The following NSUN7 variants were observed in gnomAD, a reference collection of about 807,000 sequenced individuals.
NSUN7 encodes protein NSUN7.
Under a neutral mutation model 58.5 loss-of-function variants are expected in NSUN7, and 39 were observed. That is an observed-to-expected ratio of 0.67 (90% confidence interval 0.52 to 0.87). NSUN7 has a LOEUF of 0.87. Ranked by LOEUF, NSUN7 falls within the 40% of genes least tolerant of loss-of-function variation. The pLI, the probability that NSUN7 is intolerant of heterozygous loss-of-function variation, is 0.00. For synonymous variants in NSUN7, 278 were observed against 303.7 expected, an observed-to-expected ratio of 0.92 and a Z score of 0.88; for missense variants, 765 against 844.1, an observed-to-expected ratio of 0.91 and a Z score of 1.16.
chr4:40,790,879 T>TATGTG, intron 8 of NSUN7, 134 bp downstream of exon 8: 1 of 660,818 alleles, frequency 1.5e-6, no homozygotes, highest in Non-Finnish European at 2.5e-6. Context: ...GTACTTACTA[T>TATGTG]GTATAAAGTC....
intron 4 of NSUN7, among the ~76,000 whole-genome samples, chr4:40,771,316 T>A (rs1365131400): frequency 2.0e-5 from 3 of 152,090 alleles, no homozygotes; most frequent in African/African-American, 7.2e-5. Flanking sequence ...TGCCAACAAC[T>A]CCCTAACATG....
chr4:40,784,201 G>GA (rs1284194703), intron 7 of NSUN7, among the ~76,000 whole-genome samples: 1 of 152,186 alleles, frequency 6.6e-6, no homozygotes, highest in Non-Finnish European at 1.5e-5. Context: ...AGCTACTTTG[G>GA]AAAACAGTTT....
intron 8 of NSUN7, among the ~76,000 whole-genome samples, chr4:40,793,047 T>A (rs1743164617): frequency 6.6e-6 from 1 of 152,202 alleles, no homozygotes; most frequent in African/African-American, 2.4e-5. Context: ...TTGGAATTAT[T>A]TTAAGATAGA....
Position 40,774,787 on chromosome 4 carries a change from A to G in NSUN7, c.662A>G (p.Asn221Ser), listed in dbSNP as rs1273342967. Residue 221 changes from asparagine to serine, a missense_variant, in exon 6 of 12, where the codon AAT becomes AGT. Physicochemically the swap from Asn to Ser is conservative, Grantham distance 46. Transcript: ENST00000381782. ...TACAGCCCTGAAGAAGTTTATAATA[A>G]TTTGAAGAGAAGAGGCTATAATAAA... ...CKISPEEVYN[N>S]LKRRGYNKVK... The G allele has an allele frequency of 6.5e-7, 1 of 1,535,542 alleles. No individual in the cohort carries two copies. Among genetic ancestry groups the G allele is most frequent in the East Asian group, 2.3e-5 (1 of 44,234 alleles).
At chr4:40,799,594 C>T (rs1743490254) in intron 10 of NSUN7, among the ~76,000 whole-genome samples, 1 of 151,720 alleles carries the variant, frequency 6.6e-6, no homozygotes, top group African/African-American at 2.4e-5. Context: ...GCATAAAAGA[C>T]ACAAGTAATA....
intron 2 of NSUN7, among the ~76,000 whole-genome samples, chr4:40,757,524 A>C (rs1741200631): frequency 6.8e-6 from 1 of 147,520 alleles, no homozygotes; most frequent in Admixed American, 6.8e-5. Context: ...TTACTATGTG[A>C]AAAGGTAAAA....
chr4:40,805,102 C>T (rs1743759749), intron 10 of NSUN7, among the ~76,000 whole-genome samples: 1 of 152,214 alleles, frequency 6.6e-6, no homozygotes, highest in Non-Finnish European at 1.5e-5. Context: ...TTGCCATCTG[C>T]AGCCTGGCAT....
At chr4:40,755,832 C>G (rs911649812) in intron 2 of NSUN7, among the ~76,000 whole-genome samples, 2 of 152,200 alleles carry the variant, frequency 1.3e-5, no homozygotes, top group Admixed American at 1.3e-4. Context: ...CCAGGAGAGA[C>G]TAGACGCAAG....
chr4:40,808,220 T>G, intron 11 of NSUN7, 87 bp from the exon 12 acceptor site: 1 of 1,436,384 alleles, frequency 7.0e-7, no homozygotes, highest in Non-Finnish European at 9.4e-7. Context: ...GAGAGTCTTT[T>G]TATTTTTACT....
intron 4 of NSUN7, among the ~76,000 whole-genome samples, chr4:40,767,246 T>G (rs1370754613): frequency 1.3e-5 from 2 of 152,222 alleles, no homozygotes; most frequent in Non-Finnish European, 2.9e-5. Context: ...CTCTACACAC[T>G]GCTTTGAATG....
intron 7 of NSUN7, among the ~76,000 whole-genome samples, chr4:40,789,218 T>C (rs1742970570): frequency 1.3e-5 from 2 of 152,214 alleles, no homozygotes; most frequent in Non-Finnish European, 2.9e-5. Context: ...GAGGAACATG[T>C]TAAACTGCAT....
chr4:40,770,740 A>G (rs796416400), intron 4 of NSUN7, among the ~76,000 whole-genome samples: 18 of 152,338 alleles, frequency 1.2e-4, no homozygotes, highest in African/African-American at 4.3e-4. Flanking sequence ...AAAAAGAGTA[A>G]TATCAATTTC....
At position 40,774,400 on chromosome 4, in the gene NSUN7, A is replaced by G; in HGVS notation, c.624A>G (p.Ile208Met). Residue 208 changes from isoleucine to methionine, a missense_variant, in exon 5 of 12, where the codon ATA becomes ATG. Physicochemically the swap from Ile to Met is conservative, Grantham distance 10. Coordinates refer to ENST00000381782, the MANE Select transcript of NSUN7 (RefSeq NM_024677.6). ...RASTLPLYAW[I>M]NTCKISPEEV... ...CCACTTTACCACTTTATGCTTGGAT[A>G]AATACTTGTAAAATCAGGTAAGTGT... 1 of 1,613,368 alleles carries G rather than the reference A, an allele frequency of 6.2e-7. No individual in the cohort carries two copies. The highest frequency in any genetic ancestry group is 8.5e-7 in the Non-Finnish European group (1 of 1,179,608).
chr4:40,760,858 G>A (rs538846306), intron 3 of NSUN7, among the ~76,000 whole-genome samples: 14 of 124,584 alleles, frequency 1.1e-4, no homozygotes, highest in East Asian at 1.1e-3. Context: ...GTGAAACTCC[G>A]TCTCAAAAAA....
intron 5 of NSUN7, 73 bp downstream of exon 5, chr4:40,774,490 CT>C (rs991315874): frequency 6.8e-7 from 1 of 1,471,930 alleles, no homozygotes; most frequent in African/African-American, 1.4e-5. Flanking sequence ...GAAGCATTAC[CT>C]TTTTAAGAGG....
At chr4:40,763,448 G>C (rs55983847) in intron 4 of NSUN7, among the ~76,000 whole-genome samples, 2,542 of 152,190 alleles carry the variant, frequency 0.017, 70 homozygotes, top group African/African-American at 0.058. Context: ...CAGTTTCCTC[G>C]TGCTTCTCCT....
At position 40,775,505 on chromosome 4, in the gene NSUN7, C is replaced by T. The variant is rs767682871; in HGVS notation, c.826-544C>T. 2 of 152,448 alleles carry T rather than the reference C, an allele frequency of 1.3e-5. No homozygotes were observed. Among genetic ancestry groups the T allele is most frequent in the Non-Finnish European group, 2.9e-5 (2 of 68,256 alleles). 9.4% of individuals were successfully genotyped at this position (152,448 alleles called of 1,614,324 possible). ...TTACATCCTTAGATTCCAATTATTGCCTCAGATATACCTTGATCTTCTAAG... is the reference window on the plus strand; with the variant it reads ...TTACATCCTTAGATTCCAATTATTGTCTCAGATATACCTTGATCTTCTAAG... On this transcript the variant is annotated intron_variant, in intron 6 of 11. Coordinates refer to ENST00000381782, the MANE Select transcript of NSUN7 (RefSeq NM_024677.6). The surrounding 1 kb of genome is among the most constrained non-coding windows in gnomAD (Gnocchi z 4.3).
At chr4:40,760,537 T>TA (rs763367718) in intron 3 of NSUN7, 45 bp downstream of exon 3, 4 of 1,468,428 alleles carry the variant, frequency 2.7e-6, no homozygotes, top group South Asian at 1.2e-5. Context: ...TGATTTTTTT[T>TA]AAAAAAGAAA....
rs760987301 is a variant in NSUN7 at position 40,774,415 on chromosome 4, C to A, written c.639C>A (p.Ile213=). 1.2e-6 allele frequency: 2 copies of A among 1,612,378 alleles called. No individual in the cohort carries two copies. Among genetic ancestry groups the A allele is most frequent in the Non-Finnish European group, 1.7e-6 (2 of 1,178,930 alleles). ...ATGCTTGGATAAATACTTGTAAAAT[C>A]AGGTAAGTGTTTAAATCAAATTCTT... ...PLYAWINTCK[I]SPEEVYNNLK... is the part of the protein sequence containing the mutation. Residue 213 remains isoleucine (I), a splice_region_variant and synonymous_variant, in exon 5 of 12, where the codon ATC becomes ATA. Coordinates refer to ENST00000381782, the MANE Select transcript of NSUN7 (RefSeq NM_024677.6).
Sources: gnomAD v4.1 joint callset for allele counts (sites outside exome capture counted in the v4.1 genomes callset) on GRCh38, gnomAD v4.1.1 for gene constraint, Gnocchi (gnomAD v3.1) non-coding constraint, MANE v1.5 for transcripts, NCBI Gene and HGNC (gene_info 2026-07-23, HGNC 2026-07-21) for gene names.